The following KCNIP4 variants were observed in gnomAD, a reference collection of about 807,000 sequenced individuals.
KCNIP4 encodes Kv channel-interacting protein 4.
A neutral mutation model predicts 34.0 loss-of-function variants in KCNIP4; 12 were observed. The observed-to-expected ratio is 0.35, with a 90% CI of 0.23 to 0.57. The LOEUF (loss-of-function observed/expected upper bound fraction) is 0.57. Ranked by LOEUF, KCNIP4 falls within the 20% of genes least tolerant of loss-of-function variation. The pLI is 0.83. For synonymous variants in KCNIP4, 124 were observed against 102.2 expected (o/e 1.21, Z -1.29); for missense variants, 238 against 311.7 (o/e 0.76, Z 1.78).
At chr4:21,380,821 C>T (rs973558585) in intron 1 of KCNIP4, among the ~76,000 whole-genome samples, 1 of 143,824 alleles carries the variant, frequency 7.0e-6, no homozygotes, top group African/African-American at 2.5e-5. Context: ...CTCACAGATA[C>T]ACTATATTTC....
intron 1 of KCNIP4, among the ~76,000 whole-genome samples, chr4:21,224,388 G>A: frequency 6.6e-6 from 1 of 151,148 alleles, no homozygotes; most frequent in Non-Finnish European, 1.5e-5. Flanking sequence ...CATCCTGAGG[G>A]CCCCACCCTC....
At chr4:21,108,199 C>T (rs191305233) in intron 1 of KCNIP4, among the ~76,000 whole-genome samples, 2,661 of 150,574 alleles carry the variant, frequency 0.018, 178 homozygotes, top group African/African-American at 0.06. Flanking sequence ...AGAGTGTTTT[C>T]CAACTTGGTT....
At position 21,500,557 on chromosome 4, in the gene KCNIP4, G is replaced by A. The variant is rs1434855444; in HGVS notation, c.61+448014C>T. ...TTTAGTTATGAAAAAGTACATGTAA[G>A]TAAAAGTCATTGCGTTATTAGAGAT... On this transcript the variant is annotated intron_variant, in intron 1 of 8. Coordinates refer to ENST00000382152, the MANE Select transcript of KCNIP4 (RefSeq NM_025221.6). Among the ~76,000 whole-genome samples the A allele has an allele frequency of 2.6e-5, 4 of 152,276 alleles. No homozygotes were observed. The East Asian group carries it at 7.7e-4, about 29-fold the overall frequency.
intron 1 of KCNIP4, among the ~76,000 whole-genome samples, chr4:21,834,166 T>G (rs1445925228): frequency 6.6e-6 from 1 of 152,342 alleles, no homozygotes; most frequent in East Asian, 1.9e-4. Flanking sequence ...GCATTGAATC[T>G]GTAAATTACC....
chr4:20,850,414 G>A, intron 3 of KCNIP4, 129 bp downstream of exon 3: 1 of 959,300 alleles, frequency 1.0e-6, no homozygotes, highest in Non-Finnish European at 1.6e-6. Flanking sequence ...TTCCTATCTG[G>A]GAAGGATCAG....
rs190634287 is a variant in KCNIP4 at position 21,540,633 on chromosome 4, C to T, written c.61+407938G>A. Among the ~76,000 whole-genome samples the T allele has an allele frequency of 4.0e-4, 61 of 152,220 alleles. No homozygotes were observed. In the East Asian group the frequency reaches 4.3e-3, roughly 11 times the overall value. On this transcript the variant is annotated intron_variant, in intron 1 of 8. Transcript: ENST00000382152. ...CTTAAACATGTACAAATTTTAGTAG[C>T]TTATGAAAGGATCAAGGTAACTCCT...
At chr4:21,243,945 A>G (rs187161710) in intron 1 of KCNIP4, among the ~76,000 whole-genome samples, 66 of 152,306 alleles carry the variant, frequency 4.3e-4, no homozygotes, top group African/African-American at 1.5e-3. Context: ...CAGCAAGATC[A>G]TCGAATGTCT....
chr4:21,825,065 T>G (rs1026302881), intron 1 of KCNIP4, among the ~76,000 whole-genome samples: 1 of 152,144 alleles, frequency 6.6e-6, no homozygotes, highest in African/African-American at 2.4e-5. Context: ...TGATGTTAAT[T>G]TTGGTAGTGT....
intron 1 of KCNIP4, among the ~76,000 whole-genome samples, chr4:21,394,953 AC>A (rs2109528528): frequency 7.7e-5 from 1 of 12,932 alleles, no homozygotes; most frequent in South Asian, 2.3e-3. Context: ...CACTGGGCTC[AC>A]AAGCACTGGG....
chr4:21,933,508 T>C (rs1729689893), intron 1 of KCNIP4, among the ~76,000 whole-genome samples: 1 of 152,132 alleles, frequency 6.6e-6, no homozygotes, highest in Non-Finnish European at 1.5e-5. Flanking sequence ...TAAGTCTTTT[T>C]CCCATATGTT....
At chr4:20,997,082 C>A (rs140390342) in intron 1 of KCNIP4, among the ~76,000 whole-genome samples, 3 of 151,994 alleles carry the variant, frequency 2.0e-5, no homozygotes, top group African/African-American at 4.8e-5. Context: ...GGGAAAACTA[C>A]GAAGACCTGC....
At chr4:21,652,117 T>C (rs1468347284) in intron 1 of KCNIP4, among the ~76,000 whole-genome samples, 2 of 152,176 alleles carry the variant, frequency 1.3e-5, no homozygotes, top group African/African-American at 4.8e-5. Flanking sequence ...ATCTTCTGGA[T>C]GGTAAATTTC....
At chr4:21,501,793 A>G (rs2109891435) in intron 1 of KCNIP4, among the ~76,000 whole-genome samples, 1 of 151,530 alleles carries the variant, frequency 6.6e-6, no homozygotes, top group Non-Finnish European at 1.5e-5. Context: ...ACCAACCTTA[A>G]ATGCAACTAT....
chr4:21,269,058 G>A (rs2109127780), intron 1 of KCNIP4, among the ~76,000 whole-genome samples: 1 of 152,304 alleles, frequency 6.6e-6, no homozygotes, highest in South Asian at 2.1e-4. Context: ...CAGTGGAAGA[G>A]GCCTTGTATA....
At chr4:21,356,002 G>A (rs905537077) in intron 1 of KCNIP4, among the ~76,000 whole-genome samples, 9 of 152,074 alleles carry the variant, frequency 5.9e-5, no homozygotes, top group South Asian at 2.1e-4. Flanking sequence ...TTCAACATAC[G>A]CAAATCAATA....
intron 1 of KCNIP4, among the ~76,000 whole-genome samples, chr4:21,723,358 C>G (rs1477313366): frequency 2.6e-5 from 4 of 152,130 alleles, no homozygotes; most frequent in Non-Finnish European, 5.9e-5. Flanking sequence ...TTCACTGCTG[C>G]TTCTCCTTTT....
At chr4:21,516,455 C>T (rs1734766694) in intron 1 of KCNIP4, among the ~76,000 whole-genome samples, 1 of 152,152 alleles carries the variant, frequency 6.6e-6, no homozygotes. Flanking sequence ...GGGAGAAGTA[C>T]AGGAGAGACA....
In KCNIP4 at chr4:21,193,135, T is replaced by C. The variant is rs186084930; in HGVS notation, c.62-310426A>G. The stretch of plus-strand genomic sequence containing the variant: ...TGGCTAAAAAAAAAAAAAAGTCTGG[T>C]TGTTTGTTTTAGAAGAGTAATAATG... On this transcript the variant is annotated intron_variant, in intron 1 of 8. Transcript: ENST00000382152. 1.2e-3 allele frequency among the ~76,000 whole-genome samples: 185 copies of C among 148,062 alleles called. 1 individual carries two copies. Among genetic ancestry groups the C allele is most frequent in the African/African-American group, 4.4e-3 (174 of 39,822 alleles).
rs940603931 is a variant in KCNIP4 at position 21,367,985 on chromosome 4, A to G, written c.62-485276T>C. On this transcript the variant is annotated intron_variant, in intron 1 of 8. Transcript: ENST00000382152. The stretch of plus-strand genomic sequence containing the variant: ...AGGGATTGTGAAATAAAGCGTACCC[A>G]TGTTTAACTCTCAACACCTCTTGCC... Among the ~76,000 whole-genome samples the G allele has an allele frequency of 1.7e-4, 25 of 147,332 alleles. 1 individual carries two copies. The highest frequency in any genetic ancestry group is 1.1e-3 in the South Asian group (5 of 4,744).
Sources: allele counts gnomAD v4.1 joint callset (sites outside exome capture counted in the v4.1 genomes callset), GRCh38; gene constraint gnomAD v4.1.1; transcripts MANE v1.5; gene names NCBI Gene and HGNC (gene_info 2026-07-23, HGNC 2026-07-21).